Variants in ACER2 observed in about 807,000 individuals in gnomAD.
The protein encoded by ACER2 is alkCDase 2.
ACER2 carries 26 observed loss-of-function variants against 34.7 expected under a neutral mutation model. That is an observed-to-expected ratio of 0.75 (90% CI 0.55 to 1.04). The LOEUF (loss-of-function observed/expected upper bound fraction) is 1.04, where lower values mean the gene tolerates loss of function less well. Among genes scored for constraint, ACER2 ranks in the 50% least tolerant of loss-of-function variants. The pLI is 0.00. For synonymous variants in ACER2, 138 were observed against 132.1 expected (o/e 1.04, Z -0.31); for missense variants, 352 against 340.8 (o/e 1.03, Z -0.26).
intron 1 of ACER2, among the ~76,000 whole-genome samples, chr9:19,423,024 C>T (rs1830451799): frequency 6.9e-6 from 1 of 144,350 alleles, no homozygotes; most frequent in African/African-American, 2.6e-5. Context: ...AAGAAAGAAA[C>T]TCTGTCTCAA....
chr9:19,423,841 T>A (rs778328606), intron 1 of ACER2, 21 bp from the exon 2 acceptor site: 1 of 1,587,340 alleles, frequency 6.3e-7, no homozygotes, highest in South Asian at 1.1e-5. Context: ...CATCTTTCTG[T>A]TTTACATTTT....
intron 1 of ACER2, among the ~76,000 whole-genome samples, chr9:19,413,403 A>G (rs1455755412): frequency 6.6e-6 from 1 of 152,208 alleles, no homozygotes; most frequent in Non-Finnish European, 1.5e-5. Flanking sequence ...GTTTGAGACC[A>G]GCCTGGCCAA....
intron 4 of ACER2, among the ~76,000 whole-genome samples, chr9:19,436,235 C>T (rs1366445368): frequency 6.6e-6 from 1 of 152,110 alleles, no homozygotes; most frequent in Non-Finnish European, 1.5e-5. Context: ...CTTCTTGAAT[C>T]CCTTGCAGTC....
intron 3 of ACER2, among the ~76,000 whole-genome samples, chr9:19,426,084 C>G (rs578136585): frequency 2.0e-5 from 3 of 152,094 alleles, no homozygotes; most frequent in Non-Finnish European, 2.9e-5. Context: ...ATGAACTAAA[C>G]TCTTTCTGAG....
chr9:19,416,609 T>C (rs1830247355), intron 1 of ACER2, among the ~76,000 whole-genome samples: 1 of 151,782 alleles, frequency 6.6e-6, no homozygotes, highest in African/African-American at 2.4e-5. Flanking sequence ...TACTGCAACC[T>C]CCGCCTCCCG....
In ACER2 at chr9:19,450,711, G is replaced by A; in HGVS notation, c.*75G>A. ...CTTCCTTTGCTAGGAAGACAGCCAA[G>A]GGAGTTCGAATAGTTGGGGTGTGGG... On this transcript the variant is annotated 3_prime_UTR_variant, in exon 6 of 6. Coordinates refer to ENST00000340967, the MANE Select transcript of ACER2 (RefSeq NM_001010887.3). 1 of 1,392,284 alleles carries A rather than the reference G, an allele frequency of 7.2e-7. No homozygotes were observed. Among genetic ancestry groups the A allele is most frequent in the Non-Finnish European group, 9.6e-7 (1 of 1,038,514 alleles). The allele number at this position is 1,392,284 out of a possible 1,614,324, so 86.2% of individuals were successfully genotyped here. A position where few individuals can be genotyped will look rare whatever the true frequency, so the allele number is the denominator to read the frequency against.
At chr9:19,442,502 G>A (rs1831186968) in intron 4 of ACER2, among the ~76,000 whole-genome samples, 1 of 152,184 alleles carries the variant, frequency 6.6e-6, no homozygotes, top group Non-Finnish European at 1.5e-5. Context: ...CTGAGACCAG[G>A]CTCTACAGAG....
intron 1 of ACER2, among the ~76,000 whole-genome samples, chr9:19,412,031 C>CT (rs1389696774): frequency 1.3e-5 from 2 of 152,122 alleles, no homozygotes; most frequent in East Asian, 3.9e-4. Context: ...TTTGACTCTA[C>CT]CAAGAGAGTT....
At chr9:19,440,318 C>G (rs1244526402) in intron 4 of ACER2, among the ~76,000 whole-genome samples, 1 of 152,192 alleles carries the variant, frequency 6.6e-6, no homozygotes, top group African/African-American at 2.4e-5. Flanking sequence ...GCACCCTCAA[C>G]TCCCTGCTTG....
chr9:19,434,076 G>A (rs1380508032), intron 3 of ACER2, among the ~76,000 whole-genome samples: 2 of 146,052 alleles, frequency 1.4e-5, no homozygotes, highest in African/African-American at 2.5e-5. Context: ...GGGCAGAGAC[G>A]CTCCTCACCT....
In ACER2 at chr9:19,451,942, C is replaced by G. The variant is rs1161307804; in HGVS notation, c.*1306C>G. On this transcript the variant is annotated 3_prime_UTR_variant, in exon 6 of 6. Transcript: ENST00000340967. The stretch of plus-strand genomic sequence containing the variant: ...CTCGGTTTCCCAGAGTATCCAACGG[C>G]TCACCTTTCTCAAGTGCTGGCAGTA... 8.5e-6 allele frequency: 1 copy of G among 117,068 alleles called. No homozygotes were observed. The highest frequency in any genetic ancestry group is 2.2e-5 in the Non-Finnish European group (1 of 46,210). The allele number at this position is 117,068 out of a possible 1,614,324, so 7.3% of individuals were successfully genotyped here.
intron 3 of ACER2, among the ~76,000 whole-genome samples, chr9:19,434,608 C>CA (rs762725888): frequency 6.6e-6 from 1 of 152,178 alleles, no homozygotes; most frequent in Non-Finnish European, 1.5e-5. Context: ...CCGTCTCCAC[C>CA]AAAAAAATAC....
chr9:19,446,282 T>G lies in ACER2; in HGVS notation c.505T>G (p.Cys169Gly), dbSNP rs777997639. The G allele has an allele frequency of 2.5e-6, 4 of 1,614,052 alleles. No homozygotes were observed. The highest frequency in any genetic ancestry group is 2.5e-6 in the Non-Finnish European group (3 of 1,179,992). Residue 169 changes from cysteine (C) to glycine (G), a missense_variant and splice_region_variant, in exon 5 of 6, where the codon TGT becomes GGT. Physicochemically the swap from Cys to Gly is radical, Grantham distance 159. Coordinates refer to ENST00000340967, the MANE Select transcript of ACER2 (RefSeq NM_001010887.3). ...TALLIAELKRCDNMRVFKLGL... is the reference protein window; with the variant it reads ...TALLIAELKRGDNMRVFKLGL... Reference sequence around the variant, plus strand: ...GTGACTCTCTGGACCCCCGTGCAGGTGTGACAACATGCGTGTGTTTAAGCT... The same window carrying G: ...GTGACTCTCTGGACCCCCGTGCAGGGGTGACAACATGCGTGTGTTTAAGCT...
At chr9:19,424,922 A>T in intron 3 of ACER2, 81 bp downstream of exon 3, 1 of 1,534,624 alleles carries the variant, frequency 6.5e-7, no homozygotes, top group South Asian at 1.2e-5. Context: ...GAAAAATAGC[A>T]CATGATTGAA....
intron 3 of ACER2, 124 bp from the exon 4 acceptor site, chr9:19,434,823 T>A (rs542404023): frequency 1.4e-4 from 180 of 1,275,998 alleles, no homozygotes; most frequent in Non-Finnish European, 1.9e-4. Context: ...TGAACCTTGG[T>A]ACTTAGCGCA....
chr9:19,425,911 T>C (rs1281222703), intron 3 of ACER2, among the ~76,000 whole-genome samples: 1 of 152,196 alleles, frequency 6.6e-6, no homozygotes, highest in Non-Finnish European at 1.5e-5. Flanking sequence ...AAATAATTCA[T>C]TACAGTTTTA....
intron 3 of ACER2, 145 bp from the exon 4 acceptor site, chr9:19,434,802 G>A (rs946083686): frequency 7.7e-5 from 77 of 1,003,250 alleles, no homozygotes; most frequent in Admixed American, 3.5e-4. Flanking sequence ...CTGTCGCCGT[G>A]AGTGGCTTTT....
intron 1 of ACER2, among the ~76,000 whole-genome samples, chr9:19,412,527 G>A (rs1830114875): frequency 6.6e-6 from 1 of 151,838 alleles, no homozygotes; most frequent in African/African-American, 2.4e-5. Flanking sequence ...GGTGGTGCGT[G>A]CCTGTAAGTC....
At chr9:19,412,094 T>A (rs183003882) in intron 1 of ACER2, among the ~76,000 whole-genome samples, 4 of 152,340 alleles carry the variant, frequency 2.6e-5, no homozygotes, top group Admixed American at 1.3e-4. Flanking sequence ...CTATTTGGCA[T>A]AGAATAGATA....
Sources: gnomAD v4.1 joint callset for allele counts (sites outside exome capture counted in the v4.1 genomes callset) on GRCh38, gnomAD v4.1.1 for gene constraint, MANE v1.5 for transcripts, NCBI Gene and HGNC (gene_info 2026-07-23, HGNC 2026-07-21) for gene names.